Variants in CA10 observed in about 807,000 individuals in gnomAD.
CA10 encodes the protein carbonic anhydrase 10 (inactive).
A neutral mutation model predicts 44.2 loss-of-function variants in CA10; 14 were observed. The ratio of observed to expected loss-of-function variants is 0.32; its 90% confidence interval spans 0.21 to 0.50. The LOEUF (loss-of-function observed/expected upper bound fraction) is 0.50. CA10 is among the 20% of genes least tolerant of loss of function. The probability of loss-of-function intolerance (pLI) is 0.99; values close to 1 mark genes in which losing one functional copy is unlikely to be tolerated. For synonymous variants in CA10, 159 were observed against 141.6 expected, an observed-to-expected ratio of 1.12 and a Z score of -0.87; for missense variants, 350 against 409.7, an observed-to-expected ratio of 0.85 and a Z score of 1.26.
chr17:51,902,423 C>T (rs994888627), intron 3 of CA10, among the ~76,000 whole-genome samples: 1 of 151,886 alleles, frequency 6.6e-6, no homozygotes, highest in Admixed American at 6.6e-5. Context: ...ATCTTTTTTT[C>T]CCCATTTGTG....
At chr17:51,711,843 A>T (rs1395687548) in intron 4 of CA10, among the ~76,000 whole-genome samples, 1 of 151,984 alleles carries the variant, frequency 6.6e-6, no homozygotes, top group Non-Finnish European at 1.5e-5. Flanking sequence ...GCTGGGGGTG[A>T]GGTGGGAATG....
chr17:51,688,470 A>T (rs1034526774), intron 4 of CA10, among the ~76,000 whole-genome samples: 1 of 152,186 alleles, frequency 6.6e-6, no homozygotes, highest in Non-Finnish European at 1.5e-5. Flanking sequence ...TAACCACTAA[A>T]CATCTCTAAG....
intron 1 of CA10, among the ~76,000 whole-genome samples, chr17:52,137,563 A>G (rs189269044): frequency 1.8e-4 from 27 of 152,318 alleles, no homozygotes; most frequent in African/African-American, 6.3e-4. Flanking sequence ...GGTATCTATG[A>G]ACTTCTTGAC....
intron 1 of CA10, among the ~76,000 whole-genome samples, chr17:52,117,206 C>A (rs1448623497): frequency 6.6e-6 from 1 of 152,176 alleles, no homozygotes; most frequent in Non-Finnish European, 1.5e-5. Flanking sequence ...TTAATGCATG[C>A]ATTAGAGCCC....
chr17:51,641,979 G>A (rs949064477), intron 6 of CA10, among the ~76,000 whole-genome samples: 2 of 152,096 alleles, frequency 1.3e-5, no homozygotes, highest in Admixed American at 6.5e-5. Flanking sequence ...GATCAATATG[G>A]AACTATTTGG....
At chr17:51,734,947 C>T (rs887321611) in intron 4 of CA10, among the ~76,000 whole-genome samples, 24 of 152,044 alleles carry the variant, frequency 1.6e-4, no homozygotes, top group African/African-American at 4.4e-4. Context: ...CATCCCATGG[C>T]GGAAGGCAAA....
Position 51,800,452 on chromosome 17 carries a change from A to C in CA10, c.280-52634T>G, listed in dbSNP as rs561401893. On this transcript the variant is annotated intron_variant, in intron 3 of 8. Transcript: ENST00000451037. The stretch of plus-strand genomic sequence containing the variant: ...ACAACTCTGTGGATGTACAAAAAAA[A>C]CATTAAATTATACACCTGAAATGGA... Among the ~76,000 whole-genome samples the C allele has an allele frequency of 9.2e-5, 14 of 152,298 alleles. No individual in the cohort carries two copies. The East Asian group carries it at 2.5e-3, about 27-fold the overall frequency.
chr17:52,092,680 T>G (rs915082060), intron 1 of CA10, among the ~76,000 whole-genome samples: 1 of 152,142 alleles, frequency 6.6e-6, no homozygotes, highest in African/African-American at 2.4e-5. Context: ...CTTTTTCACT[T>G]CCTGCAACCT....
intron 2 of CA10, among the ~76,000 whole-genome samples, chr17:51,949,437 A>G (rs897917176): frequency 2.0e-5 from 3 of 152,156 alleles, no homozygotes; most frequent in Admixed American, 6.6e-5. Context: ...TCTGCCTTCA[A>G]TCAAGCCATA....
At chr17:52,084,686 C>T (rs1480667346) in intron 1 of CA10, among the ~76,000 whole-genome samples, 1 of 152,144 alleles carries the variant, frequency 6.6e-6, no homozygotes, top group Non-Finnish European at 1.5e-5. Flanking sequence ...TTTCCAGGAC[C>T]TCATGATCAC....
At chr17:51,989,517 G>A (rs1329271153) in intron 2 of CA10, among the ~76,000 whole-genome samples, 1 of 152,050 alleles carries the variant, frequency 6.6e-6, no homozygotes, top group Non-Finnish European at 1.5e-5. Context: ...GTTCATTGCA[G>A]CACTATTCAT....
intron 2 of CA10, among the ~76,000 whole-genome samples, chr17:51,997,692 T>C (rs1376107436): frequency 6.6e-6 from 1 of 152,040 alleles, no homozygotes; most frequent in Non-Finnish European, 1.5e-5. Context: ...ATGTTGATTT[T>C]TGTGTGTGTG....
chr17:51,772,539 T>C (rs1413502324), intron 3 of CA10, among the ~76,000 whole-genome samples: 1 of 152,100 alleles, frequency 6.6e-6, no homozygotes, highest in Non-Finnish European at 1.5e-5. Context: ...TGGAGGAATT[T>C]CCAAATGGGA....
chr17:51,782,804 T>C (rs1906114905), intron 3 of CA10, among the ~76,000 whole-genome samples: 1 of 152,146 alleles, frequency 6.6e-6, no homozygotes, highest in South Asian at 2.1e-4. Context: ...GAGTATGTGA[T>C]AGCAAATGGT....
At chr17:51,891,571 T>C (rs564906154) in intron 3 of CA10, among the ~76,000 whole-genome samples, 4 of 152,368 alleles carry the variant, frequency 2.6e-5, no homozygotes, top group African/African-American at 9.6e-5. Flanking sequence ...GTTTACGTTT[T>C]ACTTGGAAAG....
intron 1 of CA10, among the ~76,000 whole-genome samples, chr17:52,107,415 G>A (rs182675173): frequency 2.0e-5 from 3 of 152,038 alleles, no homozygotes; most frequent in Admixed American, 2.0e-4. Flanking sequence ...CCCTTTAAAA[G>A]GTTATTTTTT....
At chr17:51,738,750 G>A (rs1904337952) in intron 4 of CA10, among the ~76,000 whole-genome samples, 1 of 152,158 alleles carries the variant, frequency 6.6e-6, no homozygotes, top group Admixed American at 6.5e-5. Context: ...CACAAATGCA[G>A]GAAATGTGAT....
At chr17:52,091,062 T>A (rs2143210236) in intron 1 of CA10, among the ~76,000 whole-genome samples, 2 of 152,176 alleles carry the variant, frequency 1.3e-5, no homozygotes, top group African/African-American at 4.8e-5. Flanking sequence ...TTTTTGAAGA[T>A]TATGTAAAGA....
intron 4 of CA10, among the ~76,000 whole-genome samples, chr17:51,716,373 A>C (rs1916114187): frequency 6.6e-6 from 1 of 152,158 alleles, no homozygotes; most frequent in Non-Finnish European, 1.5e-5. Context: ...TGGGAGAAGC[A>C]CACCTGAGGC....
Sources: allele counts gnomAD v4.1 joint callset (sites outside exome capture counted in the v4.1 genomes callset), GRCh38; gene constraint gnomAD v4.1.1; transcripts MANE v1.5; gene names NCBI Gene and HGNC (gene_info 2026-07-23, HGNC 2026-07-21).